Variants in GOLPH3L observed in about 807,000 individuals in gnomAD.
The protein encoded by GOLPH3L is Golgi phosphoprotein 3-like.
Under a neutral mutation model 30.3 loss-of-function variants are expected in GOLPH3L, and 22 were observed. The ratio of observed to expected loss-of-function variants is 0.73; its 90% CI spans 0.52 to 1.04. The LOEUF (loss-of-function observed/expected upper bound fraction) is 1.04. Among genes scored for constraint, GOLPH3L ranks in the 50% least tolerant of loss-of-function variants. The probability of loss-of-function intolerance (pLI) is 0.00; values close to 1 mark genes in which losing one functional copy is unlikely to be tolerated. For synonymous variants in GOLPH3L, 120 were observed against 128.2 expected (o/e 0.94, Z 0.43); for missense variants, 303 against 345.8 (o/e 0.88, Z 0.98).
At chr1:150,650,415 C>T (rs181305511) in intron 4 of GOLPH3L, among the ~76,000 whole-genome samples, 18 of 152,192 alleles carry the variant, frequency 1.2e-4, no homozygotes, top group African/African-American at 4.3e-4. Context: ...CACAATCAAC[C>T]TCTAGTGGGA....
chr1:150,677,391 C>T (rs868712320), intron 2 of GOLPH3L, among the ~76,000 whole-genome samples: 8 of 151,952 alleles, frequency 5.3e-5, no homozygotes, highest in Middle Eastern at 3.2e-3. Flanking sequence ...CGTATGTCAC[C>T]GTGCCTGGCT....
chr1:150,694,902 T>G, intron 1 of GOLPH3L, 52 bp from the exon 2 acceptor site: 1 of 899,860 alleles, frequency 1.1e-6, no homozygotes, highest in Admixed American at 2.3e-5. Flanking sequence ...TGTAAATAAA[T>G]CATATATTCA....
rs749180788 is a variant in GOLPH3L, at chr1:150,694,721, C to G, written c.118G>C (p.Asp40His). ...AGAGTAAGGCGGATATCCTTAGAGT[C>G]TCCAGAATCTTCATTGTCTGGACTT... Reference protein sequence around the residue: ...EKSPDNEDSGDSKDIRLTLME... With the variant: ...EKSPDNEDSGHSKDIRLTLME... The change falls in exon 2 of 5, where the codon GAC (aspartate) becomes CAC (histidine). Residue 40 changes from aspartate to histidine, a missense_variant. Asp to His is a moderately conservative substitution (Grantham distance 81). Transcript: ENST00000271732. 2.5e-6 allele frequency: 4 copies of G among 1,610,066 alleles called. No homozygotes were observed. In the Admixed American group the frequency reaches 5.0e-5, roughly 20 times the overall value.
At chr1:150,654,806 C>T (rs1267030758) in intron 4 of GOLPH3L, among the ~76,000 whole-genome samples, 2 of 152,232 alleles carry the variant, frequency 1.3e-5, no homozygotes, top group Non-Finnish European at 2.9e-5. Context: ...AGCCTTCTGC[C>T]TGGGGAACTC....
intron 2 of GOLPH3L, among the ~76,000 whole-genome samples, chr1:150,681,883 G>A (rs1301712566): frequency 2.6e-5 from 4 of 151,420 alleles, no homozygotes; most frequent in African/African-American, 7.3e-5. Flanking sequence ...CCTGGCCAAC[G>A]TGGCAAAGCC....
At chr1:150,658,036 T>G (rs1650283389) in intron 4 of GOLPH3L, among the ~76,000 whole-genome samples, 1 of 152,158 alleles carries the variant, frequency 6.6e-6, no homozygotes, top group Non-Finnish European at 1.5e-5. Context: ...TATGCTTGTG[T>G]TTCTCCAGGA....
In GOLPH3L at chr1:150,678,284, CAAAAAAAAAAA is replaced by C. The variant is rs75131824; in HGVS notation, c.184-14532_184-14522del. 4.2e-3 allele frequency among the ~76,000 whole-genome samples: 193 copies of C among 45,950 alleles called. 1 individual carries two copies. The highest frequency in any genetic ancestry group is 6.2e-3 in the Non-Finnish European group (151 of 24,452). The allele number at this position is 45,950 out of a possible 152,430, so 30.1% of individuals were successfully genotyped here. A position where few individuals can be genotyped will look rare whatever the true frequency, so the allele number is the denominator to read the frequency against. On this transcript the variant is annotated intron_variant, in intron 2 of 4. Coordinates refer to ENST00000271732, the MANE Select transcript of GOLPH3L (RefSeq NM_018178.6). Reference sequence around the variant, plus strand: ...GGGCAACAAGATCGAAACTCCGTCTCAAAAAAAAAAAAAAAAAAAAAAAGGACAAATGTCCT... The same window carrying C: ...GGGCAACAAGATCGAAACTCCGTCTCAAAAAAAAAAAAGGACAAATGTCCT...
At chr1:150,665,696 A>G (rs1011205507) in intron 2 of GOLPH3L, among the ~76,000 whole-genome samples, 1 of 151,932 alleles carries the variant, frequency 6.6e-6, no homozygotes, top group African/African-American at 2.4e-5. Context: ...ATTAGATATC[A>G]TCATCATCAT....
rs587611179 is a variant in GOLPH3L at position 150,653,102 on chromosome 1, T to C, written c.431-4354A>G. ...CAGTTTAAGACCAGTCTGGGTAACA[T>C]AGTGAAACTTTGTCTAAAAAAACAA... On this transcript the variant is annotated intron_variant, in intron 4 of 4. Coordinates refer to ENST00000271732, the MANE Select transcript of GOLPH3L (RefSeq NM_018178.6). Among the ~76,000 whole-genome samples, 12 of 141,730 alleles carry C rather than the reference T, an allele frequency of 8.5e-5. No individual in the cohort carries two copies. In the East Asian group the frequency reaches 2.3e-3, roughly 27 times the overall value. 93.0% of individuals were successfully genotyped at this position (141,730 alleles called of 152,430 possible). A position where few individuals can be genotyped will look rare whatever the true frequency, so the allele number is the denominator to read the frequency against.
intron 4 of GOLPH3L, among the ~76,000 whole-genome samples, chr1:150,652,289 G>A (rs1414539744): frequency 4.1e-5 from 6 of 147,346 alleles, no homozygotes; most frequent in Non-Finnish European, 8.9e-5. Flanking sequence ...GCTGAGGCAG[G>A]AGAATCACTT....
intron 4 of GOLPH3L, among the ~76,000 whole-genome samples, chr1:150,649,527 A>G (rs1650057260): frequency 6.6e-6 from 1 of 152,190 alleles, no homozygotes; most frequent in African/African-American, 2.4e-5. Context: ...ACAAACCCAA[A>G]TGGCAAAGCC....
At chr1:150,663,857 G>T in intron 2 of GOLPH3L, 94 bp from the exon 3 acceptor site, 3 of 992,460 alleles carry the variant, frequency 3.0e-6, no homozygotes, top group Non-Finnish European at 3.1e-6. Flanking sequence ...GTTGTGATTC[G>T]TTTCACATCA....
At chr1:150,688,122 C>A (rs191412101) in intron 2 of GOLPH3L, among the ~76,000 whole-genome samples, 226 of 152,274 alleles carry the variant, frequency 1.5e-3, no homozygotes, top group African/African-American at 5.1e-3. Context: ...ATAAGAGAAG[C>A]CTTCCAGGAT....
intron 2 of GOLPH3L, among the ~76,000 whole-genome samples, chr1:150,672,290 G>C (rs1452103829): frequency 2.6e-5 from 4 of 152,062 alleles, no homozygotes; most frequent in East Asian, 3.8e-4. Context: ...AGAAAATTTA[G>C]TGTACTGTTT....
chr1:150,652,046 T>A (rs1413259104), intron 4 of GOLPH3L, among the ~76,000 whole-genome samples: 1 of 151,686 alleles, frequency 6.6e-6, no homozygotes. Context: ...CAAAAATAAG[T>A]GGAAAATCAT....
chr1:150,690,021 C>CT (rs1273846540), intron 2 of GOLPH3L, among the ~76,000 whole-genome samples: 1 of 151,964 alleles, frequency 6.6e-6, no homozygotes, highest in Non-Finnish European at 1.5e-5. Context: ...GGGTCTCACT[C>CT]TGTCACCCAG....
chr1:150,670,731 T>C (rs1269302493), intron 2 of GOLPH3L, among the ~76,000 whole-genome samples: 2 of 152,234 alleles, frequency 1.3e-5, no homozygotes, highest in African/African-American at 2.4e-5. Flanking sequence ...ATATTCTATG[T>C]TTACACTTAT....
intron 2 of GOLPH3L, among the ~76,000 whole-genome samples, chr1:150,684,153 C>G (rs933329301): frequency 1.3e-5 from 2 of 152,136 alleles, no homozygotes; most frequent in African/African-American, 4.8e-5. Context: ...GGTGAGAAGT[C>G]TCAGAAGAAA....
intron 2 of GOLPH3L, among the ~76,000 whole-genome samples, chr1:150,686,488 GA>G (rs1651088719): frequency 1.3e-5 from 2 of 152,128 alleles, no homozygotes; most frequent in Admixed American, 6.5e-5. Flanking sequence ...TACAGGCAGT[GA>G]AACACCACGC....
Sources: gnomAD v4.1 joint callset for allele counts (sites outside exome capture counted in the v4.1 genomes callset) on GRCh38, gnomAD v4.1.1 for gene constraint, MANE v1.5 for transcripts, NCBI Gene and HGNC (gene_info 2026-07-23, HGNC 2026-07-21) for gene names.